The following KIAA0825 variants were observed in gnomAD, a reference collection of about 807,000 sequenced individuals.
KIAA0825 encodes uncharacterized protein KIAA0825.
KIAA0825 carries 119 observed loss-of-function variants against 147.6 expected under a neutral mutation model. That is an observed-to-expected ratio of 0.81 (90% CI 0.69 to 0.94). The LOEUF (loss-of-function observed/expected upper bound fraction) is 0.94. KIAA0825 is among the 40% of genes least tolerant of loss of function. The pLI, the probability that KIAA0825 is intolerant of heterozygous loss-of-function variation, is 0.00. For synonymous variants in KIAA0825, 470 were observed against 518.1 expected (o/e 0.91, Z 1.26); for missense variants, 1,381 against 1,472.7 (o/e 0.94, Z 1.02).
intron 3 of KIAA0825, among the ~76,000 whole-genome samples, chr5:94,531,779 T>C (rs1385190544): frequency 6.6e-6 from 1 of 152,154 alleles, no homozygotes; most frequent in Non-Finnish European, 1.5e-5. Flanking sequence ...ACACAAGAAG[T>C]TACAAAAACG....
At chr5:94,476,257 A>G (rs1167711603) in intron 7 of KIAA0825, among the ~76,000 whole-genome samples, 6 of 152,238 alleles carry the variant, frequency 3.9e-5, no homozygotes, top group Admixed American at 3.9e-4. Flanking sequence ...ATTTTAATGT[A>G]GGGTTTTGGT....
In KIAA0825 at chr5:94,616,614, T is replaced by A. The variant is rs193133836; in HGVS notation, c.-153+1886A>T. 2.1e-3 allele frequency among the ~76,000 whole-genome samples: 316 copies of A among 152,348 alleles called. 2 individuals are homozygous for A. Among genetic ancestry groups the A allele is most frequent in the African/African-American group, 7.4e-3 (307 of 41,586 alleles). On this transcript the variant is annotated intron_variant, in intron 1 of 20. Transcript: ENST00000682413. The stretch of plus-strand genomic sequence containing the variant: ...GCTGTCTAAAGAGATAGTTAGCTGA[T>A]ACTCTGGACTCAGTCACCAATATGC...
At chr5:94,608,465 T>TAC (rs1787962012) in intron 1 of KIAA0825, among the ~76,000 whole-genome samples, 1 of 5,888 alleles carries the variant, frequency 1.7e-4, no homozygotes, top group Non-Finnish European at 2.8e-4. Context: ...ATATATATAT[T>TAC]ATATATATAA....
intron 20 of KIAA0825, among the ~76,000 whole-genome samples, chr5:94,299,097 A>G (rs887460222): frequency 1.3e-5 from 2 of 152,136 alleles, no homozygotes; most frequent in Non-Finnish European, 2.9e-5. Flanking sequence ...TTCAGTTTTA[A>G]GTGCACTTCC....
At chr5:94,205,474 G>T (rs1455838258) in intron 20 of KIAA0825, among the ~76,000 whole-genome samples, 1 of 151,336 alleles carries the variant, frequency 6.6e-6, no homozygotes, top group East Asian at 1.9e-4. Context: ...TATATTTTTA[G>T]TAGAGATGGG....
intron 20 of KIAA0825, among the ~76,000 whole-genome samples, chr5:94,277,782 A>G (rs1021597202): frequency 1.1e-4 from 17 of 152,230 alleles, no homozygotes; most frequent in African/African-American, 3.9e-4. Context: ...CCAAAGGATT[A>G]TAAATCATGC....
intron 2 of KIAA0825, among the ~76,000 whole-genome samples, chr5:94,553,439 TAA>T (rs1210932899): frequency 9.3e-6 from 1 of 107,818 alleles, no homozygotes; most frequent in Admixed American, 9.9e-5. Flanking sequence ...AAACTCCATC[TAA>T]AAAAAAAAAG....
chr5:94,427,359 T>G (rs1451311604), intron 14 of KIAA0825, among the ~76,000 whole-genome samples: 2 of 151,916 alleles, frequency 1.3e-5, no homozygotes, highest in Non-Finnish European at 2.9e-5. Context: ...CATAGCAAGA[T>G]CCCATCTCTA....
intron 20 of KIAA0825, among the ~76,000 whole-genome samples, chr5:94,193,736 G>C (rs1770882063): frequency 6.6e-6 from 1 of 152,186 alleles, no homozygotes; most frequent in Non-Finnish European, 1.5e-5. Context: ...GAGATGTTGA[G>C]TACCTTGCAA....
chr5:94,450,863 G>T (rs2150899514), intron 13 of KIAA0825, among the ~76,000 whole-genome samples: 1 of 152,260 alleles, frequency 6.6e-6, no homozygotes. Context: ...ATGTACACCT[G>T]TTAACATCAT....
chr5:94,169,386 AG>A (rs1768373972), intron 20 of KIAA0825, among the ~76,000 whole-genome samples: 1 of 152,166 alleles, frequency 6.6e-6, no homozygotes. Flanking sequence ...GTTCAAGACC[AG>A]TCTGGGCAAC....
intron 5 of KIAA0825, among the ~76,000 whole-genome samples, chr5:94,518,425 A>C (rs1313667346): frequency 6.6e-6 from 1 of 152,128 alleles, no homozygotes; most frequent in Non-Finnish European, 1.5e-5. Context: ...GCCCACTTGA[A>C]CAGTGCTGTT....
intron 12 of KIAA0825, among the ~76,000 whole-genome samples, chr5:94,453,339 A>ATTTTTTTT (rs563316235): frequency 8.5e-6 from 1 of 118,212 alleles, no homozygotes; most frequent in Non-Finnish European, 1.7e-5. Context: ...CGTGTGGCTG[A>ATTTTTTTT]TTTTTTTTTT....
chr5:94,278,529 G>T (rs533313312), intron 20 of KIAA0825, among the ~76,000 whole-genome samples: 1 of 152,186 alleles, frequency 6.6e-6, no homozygotes, highest in Admixed American at 6.5e-5. Context: ...TGTGATAAGG[G>T]ATTTTTTAAA....
At chr5:94,508,933 T>C (rs1003197672) in intron 5 of KIAA0825, among the ~76,000 whole-genome samples, 1 of 152,238 alleles carries the variant, frequency 6.6e-6, no homozygotes, top group African/African-American at 2.4e-5. Context: ...CTGTTGGGAA[T>C]GAGCAATCAT....
intron 20 of KIAA0825, among the ~76,000 whole-genome samples, chr5:94,213,509 T>G (rs1772929780): frequency 6.6e-6 from 1 of 152,204 alleles, no homozygotes; most frequent in African/African-American, 2.4e-5. Flanking sequence ...AACCTTTCAA[T>G]GATTCTCCAT....
At chr5:94,246,088 A>G (rs1341275783) in intron 20 of KIAA0825, among the ~76,000 whole-genome samples, 1 of 152,172 alleles carries the variant, frequency 6.6e-6, no homozygotes. Flanking sequence ...ATTTTCTCCC[A>G]TATAGATTAA....
intron 20 of KIAA0825, among the ~76,000 whole-genome samples, chr5:94,155,408 A>T (rs544111944): frequency 2.9e-4 from 44 of 151,408 alleles, no homozygotes; most frequent in African/African-American, 1.0e-3. Context: ...TTGTAGAGAC[A>T]GGGTCTCCCC....
intron 8 of KIAA0825, among the ~76,000 whole-genome samples, chr5:94,472,616 C>T (rs1761355172): frequency 6.6e-6 from 1 of 152,048 alleles, no homozygotes; most frequent in Non-Finnish European, 1.5e-5. Flanking sequence ...AGGTAGCGGG[C>T]GCCTTTAGTC....
Sources: gnomAD v4.1 joint callset for allele counts (sites outside exome capture counted in the v4.1 genomes callset) on GRCh38, gnomAD v4.1.1 for gene constraint, MANE v1.5 for transcripts, NCBI Gene and HGNC (gene_info 2026-07-23, HGNC 2026-07-21) for gene names.